The following SEMA5A variants were observed in gnomAD, a reference collection of about 807,000 sequenced individuals.
The protein encoded by SEMA5A is semaphorin-5A.
In SEMA5A, 55 loss-of-function variants were observed where a neutral mutation model predicts 135.5. The observed-to-expected ratio is 0.41, with a 90% CI of 0.33 to 0.51. The LOEUF is 0.51. Ranked by LOEUF, SEMA5A falls within the 20% of genes least tolerant of loss-of-function variation. The pLI is 0.37. For synonymous variants in SEMA5A, 580 were observed against 546.5 expected, an observed-to-expected ratio of 1.06 and a Z score of -0.85; for missense variants, 1,290 against 1,419.9, an observed-to-expected ratio of 0.91 and a Z score of 1.47.
chr5:9,497,530 G>A (rs1735363196), intron 1 of SEMA5A, among the ~76,000 whole-genome samples: 1 of 152,246 alleles, frequency 6.6e-6, no homozygotes, highest in South Asian at 2.1e-4. Flanking sequence ...CGAGTGGCAC[G>A]GCATACTCTG....
At chr5:9,353,819 A>G (rs751853422) in intron 3 of SEMA5A, among the ~76,000 whole-genome samples, 40 of 152,306 alleles carry the variant, frequency 2.6e-4, no homozygotes, top group Middle Eastern at 3.4e-3. Flanking sequence ...TAAAATAAAA[A>G]GCAAACCTTC....
chr5:9,235,941 C>T (rs574409085), intron 6 of SEMA5A, among the ~76,000 whole-genome samples: 21 of 152,162 alleles, frequency 1.4e-4, no homozygotes, highest in African/African-American at 4.8e-4. Context: ...CTGGGGAGTC[C>T]ACACAATCAT....
intron 16 of SEMA5A, among the ~76,000 whole-genome samples, chr5:9,084,835 C>CA (rs113353562): frequency 2.4e-4 from 36 of 152,006 alleles, no homozygotes; most frequent in African/African-American, 6.3e-4. Flanking sequence ...GCTCAGAAGA[C>CA]AAAAAAATGT....
At chr5:9,346,596 C>G (rs1753880033) in intron 3 of SEMA5A, among the ~76,000 whole-genome samples, 1 of 152,160 alleles carries the variant, frequency 6.6e-6, no homozygotes, top group South Asian at 2.1e-4. Flanking sequence ...AATTGCTCAC[C>G]CTGGCTCCTG....
At chr5:9,507,483 G>C (rs2126835819) in intron 1 of SEMA5A, among the ~76,000 whole-genome samples, 1 of 152,318 alleles carries the variant, frequency 6.6e-6, no homozygotes, top group African/African-American at 2.4e-5. Flanking sequence ...TTTCTACACA[G>C]TACAGCTCTA....
chr5:9,350,479 T>A (rs1881180), intron 3 of SEMA5A, among the ~76,000 whole-genome samples: 99,820 of 151,976 alleles, frequency 0.66, 33,816 homozygotes, highest in East Asian at 0.76. Flanking sequence ...TCTCTTGACC[T>A]GAGATCTTTG....
chr5:9,202,381 TGAG>T, intron 8 of SEMA5A, 141 bp from the exon 9 acceptor site: 1 of 641,830 alleles, frequency 1.6e-6, no homozygotes, highest in Non-Finnish European at 2.4e-6. Flanking sequence ...GGAGGCCCCG[TGAG>T]CAGCTTAATG....
intron 12 of SEMA5A, among the ~76,000 whole-genome samples, chr5:9,153,654 A>C (rs1233846957): frequency 6.6e-6 from 1 of 152,090 alleles, no homozygotes; most frequent in Non-Finnish European, 1.5e-5. Flanking sequence ...CAGCAACATC[A>C]ACCACTCCTT....
chr5:9,232,623 G>A (rs923811414), intron 6 of SEMA5A, among the ~76,000 whole-genome samples: 9 of 152,024 alleles, frequency 5.9e-5, no homozygotes, highest in African/African-American at 1.2e-4. Context: ...CATATATTAC[G>A]TGCTATGTAA....
At chr5:9,347,654 C>A (rs74479270) in intron 3 of SEMA5A, among the ~76,000 whole-genome samples, 1 of 151,922 alleles carries the variant, frequency 6.6e-6, no homozygotes, top group Non-Finnish European at 1.5e-5. Flanking sequence ...GGAAAAAATG[C>A]GTGCACTGTT....
At chr5:9,517,045 A>T (rs932086456) in intron 1 of SEMA5A, 6 of 152,206 alleles carry the variant, frequency 3.9e-5, no homozygotes, top group African/African-American at 1.4e-4. Context: ...CTATCATATC[A>T]ATCCCTGAGT....
chr5:9,049,769 C>CA (rs753264249), intron 21 of SEMA5A, among the ~76,000 whole-genome samples: 2 of 152,198 alleles, frequency 1.3e-5, no homozygotes, highest in Non-Finnish European at 2.9e-5. Flanking sequence ...ACAACACAGA[C>CA]AAGTACTTTA....
At chr5:9,460,433 A>G (rs563709249) in intron 1 of SEMA5A, among the ~76,000 whole-genome samples, 15 of 152,298 alleles carry the variant, frequency 9.8e-5, no homozygotes, top group East Asian at 9.6e-4. Flanking sequence ...AACATGAAAC[A>G]GCCTATGCAG....
At chr5:9,065,242 T>G (rs1737399780) in intron 17 of SEMA5A, among the ~76,000 whole-genome samples, 1 of 152,198 alleles carries the variant, frequency 6.6e-6, no homozygotes, top group South Asian at 2.1e-4. Context: ...TGGCTCCTGC[T>G]GCACCTGCTG....
chr5:9,345,577 C>T (rs1350094767), intron 3 of SEMA5A, among the ~76,000 whole-genome samples: 1 of 149,224 alleles, frequency 6.7e-6, no homozygotes, highest in African/African-American at 2.5e-5. Context: ...TATCTGAGCA[C>T]ATGAAAATTT....
intron 8 of SEMA5A, among the ~76,000 whole-genome samples, chr5:9,211,333 T>C (rs1178842104): frequency 6.6e-6 from 1 of 152,036 alleles, no homozygotes; most frequent in Non-Finnish European, 1.5e-5. Flanking sequence ...CAGAGCTTCT[T>C]TTTCTTGACA....
At chr5:9,439,111 A>G (rs1758139395) in intron 1 of SEMA5A, among the ~76,000 whole-genome samples, 1 of 152,170 alleles carries the variant, frequency 6.6e-6, no homozygotes, top group Admixed American at 6.5e-5. Flanking sequence ...ATCGTGCAGC[A>G]CGGCCAATCC....
intron 3 of SEMA5A, among the ~76,000 whole-genome samples, chr5:9,371,440 G>T (rs974641245): frequency 1.1e-4 from 16 of 152,096 alleles, no homozygotes; most frequent in African/African-American, 2.9e-4. Flanking sequence ...GTTACATGCT[G>T]CATTTTCTCC....
At chr5:9,283,278 C>A (rs904679946) in intron 5 of SEMA5A, among the ~76,000 whole-genome samples, 5 of 152,170 alleles carry the variant, frequency 3.3e-5, no homozygotes, top group Non-Finnish European at 5.9e-5. Context: ...ATTGTCCTGA[C>A]ACTGAGATGT....
Sources: allele counts gnomAD v4.1 joint callset (sites outside exome capture counted in the v4.1 genomes callset), GRCh38; gene constraint gnomAD v4.1.1; transcripts MANE v1.5; gene names NCBI Gene and HGNC (gene_info 2026-07-23, HGNC 2026-07-21).